The following NECTIN4 variants were observed in gnomAD, a reference collection of about 807,000 sequenced individuals.
The protein encoded by NECTIN4 is nectin-4.
NECTIN4 carries 19 observed loss-of-function variants against 51.7 expected under a neutral mutation model. The observed-to-expected ratio is 0.37, with a 90% CI of 0.26 to 0.54. The LOEUF is 0.54. NECTIN4 is among the 20% of genes least tolerant of loss of function. The pLI is 0.86. For missense variants in NECTIN4, 619 were observed against 662.4 expected, an observed-to-expected ratio of 0.93 and a Z score of 0.72; for synonymous variants, 283 against 286.9, an observed-to-expected ratio of 0.99 and a Z score of 0.14.
chr1:161,089,161 T>C lies in NECTIN4; in HGVS notation c.79+57A>G, dbSNP rs1052880286. The C allele has an allele frequency of 6.8e-7, 1 of 1,476,910 alleles. No individual in the cohort carries two copies. 91.5% of individuals were successfully genotyped at this position (1,476,910 alleles called of 1,614,324 possible). On this transcript the variant is annotated intron_variant, in intron 1 of 8. Coordinates refer to ENST00000368012, the MANE Select transcript of NECTIN4 (RefSeq NM_030916.3). The surrounding 1 kb of genome is among the most constrained non-coding windows in gnomAD (Gnocchi z 4.1). ...GTGTGTCTATGTGTTTGTGCATGTG[T>C]GTCAGTGCCAGGTTGGGCTCAGAAG...
In NECTIN4 at chr1:161,074,351, C is replaced by A. The variant is rs1038445020; in HGVS notation, c.1023G>T (p.Lys341Asn). The A allele has an allele frequency of 6.2e-7, 1 of 1,614,100 alleles. No individual in the cohort carries two copies. Among genetic ancestry groups the A allele is most frequent in the East Asian group, 2.2e-5 (1 of 44,884 alleles). The change falls in exon 6 of 9, where the codon AAG (lysine) becomes AAT (asparagine). Residue 341 changes from lysine (K) to asparagine (N), a missense_variant. Lys to Asn is a moderately conservative substitution (Grantham distance 94). This residue lies in a region of NECTIN4 where 364 missense variants were observed against 415.7 expected (regional missense o/e 0.88). Coordinates refer to ENST00000368012, the MANE Select transcript of NECTIN4 (RefSeq NM_030916.3). The stretch of plus-strand genomic sequence containing the variant: ...CCGAGGCTGACACTAGGTCCACCTG[C>A]TTCCCAGAGTCTTCCTGGGGGTCTG... ...DVLDPQEDSG[K>N]QVDLVSASVV...
chr1:161,086,283 TC>T (rs1653940833), intron 1 of NECTIN4, among the ~76,000 whole-genome samples: 2 of 152,144 alleles, frequency 1.3e-5, no homozygotes, highest in South Asian at 4.1e-4. Flanking sequence ...TGGCCCGGCC[TC>T]CTTAAACACT....
chr1:161,087,732 C>T (rs1654012860), intron 1 of NECTIN4, among the ~76,000 whole-genome samples: 1 of 151,832 alleles, frequency 6.6e-6, no homozygotes, highest in South Asian at 2.1e-4. Flanking sequence ...GAGAGATTGG[C>T]TCCTCAGTTC....
chr1:161,074,502 C>T, intron 5 of NECTIN4, 109 bp downstream of exon 5: 4 of 1,574,562 alleles, frequency 2.5e-6, no homozygotes, highest in Non-Finnish European at 3.5e-6. Flanking sequence ...ACAGCCCAGC[C>T]CCCTCTGAAT....
intron 1 of NECTIN4, among the ~76,000 whole-genome samples, chr1:161,085,239 G>T (rs1653886019): frequency 6.6e-6 from 1 of 152,004 alleles, no homozygotes; most frequent in South Asian, 2.1e-4. Context: ...GTCTGGGGAG[G>T]GGGGCCACAC....
intron 2 of NECTIN4, among the ~76,000 whole-genome samples, chr1:161,078,843 C>T (rs1653533623): frequency 6.6e-6 from 1 of 151,956 alleles, no homozygotes; most frequent in African/African-American, 2.4e-5. Context: ...AACCTTGTCT[C>T]TACTAAAAAT....
chr1:161,074,380 G>A lies in NECTIN4; in HGVS notation c.1001-7C>T. The A allele has an allele frequency of 6.2e-7, 1 of 1,613,860 alleles. No homozygotes were observed. Among genetic ancestry groups the A allele is most frequent in the Non-Finnish European group, 8.5e-7 (1 of 1,179,956 alleles). On this transcript the variant is annotated splice_region_variant and splice_polypyrimidine_tract_variant and intron_variant, in intron 5 of 8. Coordinates refer to ENST00000368012, the MANE Select transcript of NECTIN4 (RefSeq NM_030916.3). ...CCAGAGTCTTCCTGGGGGTCTGCTG[G>A]AGACAGGCCACTGTCTGAGGTGGAA...
chr1:161,088,538 C>T (rs1654048707), intron 1 of NECTIN4, among the ~76,000 whole-genome samples: 1 of 151,938 alleles, frequency 6.6e-6, no homozygotes, highest in Non-Finnish European at 1.5e-5. Context: ...GGGACCACAC[C>T]CTATCTAGAA....
chr1:161,075,024 T>C (rs1653352891), intron 4 of NECTIN4, among the ~76,000 whole-genome samples: 1 of 141,830 alleles, frequency 7.1e-6, no homozygotes, highest in African/African-American at 2.7e-5. Context: ...CATCACGTCA[T>C]CCAACACTGG....
chr1:161,087,579 AC>A (rs1654004512), intron 1 of NECTIN4: 2 of 151,054 alleles, frequency 1.3e-5, no homozygotes, highest in Admixed American at 1.3e-4. Flanking sequence ...CAAGACACTA[AC>A]CCTGGTTATG....
chr1:161,089,136 G>A lies in NECTIN4; in HGVS notation c.79+82C>T. On this transcript the variant is annotated intron_variant, in intron 1 of 8. Transcript: ENST00000368012. This position sits in a 1 kb window ranked among gnomAD's most constrained non-coding sequence, Gnocchi z 4.1. ...AAGGAGGATATGTGTGTGCGTGCGTGTGTGTCTATGTGTTTGTGCATGTGT... is the reference window on the plus strand; with the variant it reads ...AAGGAGGATATGTGTGTGCGTGCGTATGTGTCTATGTGTTTGTGCATGTGT... The A allele has an allele frequency of 8.4e-7, 1 of 1,185,312 alleles. No individual in the cohort carries two copies. 73.4% of individuals were successfully genotyped at this position (1,185,312 alleles called of 1,614,324 possible). A position where few individuals can be genotyped will look rare whatever the true frequency, so the allele number is the denominator to read the frequency against.
In NECTIN4 at chr1:161,079,602, G is replaced by A. The variant is rs1161003214; in HGVS notation, c.427C>T (p.Leu143Phe). The change falls in exon 2 of 9, where the codon CTC (leucine) becomes TTC (phenylalanine). Residue 143 changes from leucine to phenylalanine, a missense_variant. Coordinates refer to ENST00000368012, the MANE Select transcript of NECTIN4 (RefSeq NM_030916.3). ...GATCCCCGCTTACCCAGCACTCGGA[G>A]CCGCAGCCGCGCCTGGAAGCTGCCG... ...PAGSFQARLR[L>F]RVLVPPLPSL... 1.9e-6 allele frequency: 3 copies of A among 1,603,820 alleles called. No homozygotes were observed. The highest frequency in any genetic ancestry group is 2.2e-5 in the South Asian group (2 of 90,906).
Position 161,079,859 on chromosome 1 carries a change from T to C in NECTIN4, c.170A>G (p.Asp57Gly), listed in dbSNP as rs1292871461. 6.2e-7 allele frequency: 1 copy of C among 1,613,716 alleles called. No homozygotes were observed. Among genetic ancestry groups the C allele is most frequent in the South Asian group, 1.1e-5 (1 of 91,060 alleles). ...DAKLPCFYRG[D>G]SGEQVGQVAW... The stretch of plus-strand genomic sequence containing the variant: ...CACTTGCCCCACTTGCTCGCCGGAG[T>C]CCCCTCGGTAGAAGCAGGGCAGTTT... Residue 57 changes from aspartate to glycine, a missense_variant, in exon 2 of 9, where the codon GAC (aspartate) becomes GGC (glycine). By Grantham distance (94) the Asp-to-Gly change is moderately conservative (BLOSUM62 -1). Around this residue, in one of 3 missense-constraint regions of NECTIN4, gnomAD observed 218 missense variants for 186.3 expected, o/e 1.17. Transcript: ENST00000368012.
In NECTIN4 at chr1:161,076,492, G is replaced by A; in HGVS notation, c.731-17C>T. ...CAGCAAGGACTGGAATGGGAAGTGG[G>A]AGGAGAAAGAATGGGAATGATGCCT... On this transcript the variant is annotated splice_polypyrimidine_tract_variant and intron_variant, in intron 3 of 8. Transcript: ENST00000368012. 1.2e-6 allele frequency: 2 copies of A among 1,613,798 alleles called. No homozygotes were observed. The highest frequency in any genetic ancestry group is 2.2e-5 in the South Asian group (2 of 91,080).
chr1:161,074,569 T>G (rs777795712), intron 5 of NECTIN4, 42 bp downstream of exon 5: 2 of 1,613,334 alleles, frequency 1.2e-6, no homozygotes, highest in Non-Finnish European at 1.7e-6. Flanking sequence ...CACCAAGCCC[T>G]TGGCCCAGGT....
rs776021211 is a variant in NECTIN4, at chr1:161,072,797, C to T, written c.1397G>A (p.Gly466Glu). ...CTGATCTTCCTCCTCCTCGGCCCGC[C>T]CAGAGCCTGGAGACAGCAGTTCAGT... ...TQTELLSPGSGRAEEEEDQDE... is the reference protein window; with the variant it reads ...TQTELLSPGSERAEEEEDQDE... The change falls in exon 9 of 9, where the codon GGG becomes GAG. Residue 466 changes from glycine to glutamate, a missense_variant. This residue lies in a region of NECTIN4 where 364 missense variants were observed against 415.7 expected (regional missense o/e 0.88). Transcript: ENST00000368012. 1.9e-6 allele frequency: 3 copies of T among 1,614,234 alleles called. No homozygotes were observed. In the Admixed American group the frequency reaches 5.0e-5, roughly 27 times the overall value.
Position 161,079,029 on chromosome 1 carries a change from A to G in NECTIN4, c.439+561T>C, listed in dbSNP as rs184978074. The stretch of plus-strand genomic sequence containing the variant: ...TCTGTCTCAAAAAATAAAAAAAGCG[A>G]TTGTGATCTCAGACCACATTCACTG... On this transcript the variant is annotated intron_variant, in intron 2 of 8. Transcript: ENST00000368012. 1.4e-3 allele frequency among the ~76,000 whole-genome samples: 218 copies of G among 152,278 alleles called. 3 individuals are homozygous for G. The highest frequency in any genetic ancestry group is 5.2e-3 in the African/African-American group (215 of 41,556).
Position 161,077,562 on chromosome 1 carries a change from C to T in NECTIN4, c.621G>A (p.Glu207=). ...TGCTGCGGCTAGGCACCAAGTGGAA[C>T]TCTGAGGTGACGGCAGCAGAGCGGG... ...KHSRSAAVTS[E]FHLVPSRSMN... The change falls in exon 3 of 9, where the codon GAG becomes GAA. Residue 207 remains glutamate (E), a synonymous_variant. Coordinates refer to ENST00000368012, the MANE Select transcript of NECTIN4 (RefSeq NM_030916.3). 2 of 1,614,012 alleles carry T rather than the reference C, an allele frequency of 1.2e-6. No homozygotes were observed. The highest frequency in any genetic ancestry group is 1.6e-4 in the Middle Eastern group (1 of 6,062).
At chr1:161,073,426 C>A in intron 7 of NECTIN4, 127 bp from the exon 8 acceptor site, 1 of 803,912 alleles carries the variant, frequency 1.2e-6, no homozygotes. Flanking sequence ...TCCATTCTCT[C>A]CTGGAAACAA....
Sources: gnomAD v4.1 joint callset for allele counts (sites outside exome capture counted in the v4.1 genomes callset) on GRCh38, gnomAD v4.1.1 for gene constraint, gnomAD v4.1.1 regional missense constraint, Gnocchi (gnomAD v3.1) non-coding constraint, MANE v1.5 for transcripts, NCBI Gene and HGNC (gene_info 2026-07-23, HGNC 2026-07-21) for gene names.